Variants in DLGAP1 observed in about 807,000 individuals in gnomAD.
DLGAP1 encodes DLG associated protein 1.
DLGAP1 carries 11 observed loss-of-function variants against 90.8 expected under a neutral mutation model. The observed-to-expected ratio is 0.12, with a 90% CI of 0.08 to 0.20. DLGAP1 has a LOEUF of 0.20. Among genes scored for constraint, DLGAP1 ranks in the 10% least tolerant of loss-of-function variants. The pLI is 1.00. For synonymous variants in DLGAP1, 558 were observed against 540.7 expected, an observed-to-expected ratio of 1.03 and a Z score of -0.44; for missense variants, 1,050 against 1,333.8, an observed-to-expected ratio of 0.79 and a Z score of 3.31.
At chr18:4,213,510 G>T (rs1178530174) in intron 1 of DLGAP1, among the ~76,000 whole-genome samples, 1 of 152,160 alleles carries the variant, frequency 6.6e-6, no homozygotes, top group Non-Finnish European at 1.5e-5. Flanking sequence ...GGCAGATATG[G>T]TGCCACTCAG....
At chr18:4,363,280 C>T (rs1427710196) in intron 1 of DLGAP1, among the ~76,000 whole-genome samples, 1 of 152,110 alleles carries the variant, frequency 6.6e-6, no homozygotes, top group African/African-American at 2.4e-5. Flanking sequence ...TGAGTGCTCG[C>T]ACATACACAG....
chr18:3,862,709 A>C (rs531432549), intron 4 of DLGAP1, among the ~76,000 whole-genome samples: 1 of 152,368 alleles, frequency 6.6e-6, no homozygotes, highest in Admixed American at 6.5e-5. Flanking sequence ...TCTAAGGGGA[A>C]GTGAGTTGTA....
intron 7 of DLGAP1, among the ~76,000 whole-genome samples, chr18:3,625,058 C>A (rs1238093351): frequency 1.3e-5 from 2 of 152,194 alleles, no homozygotes; most frequent in Non-Finnish European, 2.9e-5. Flanking sequence ...GTCCTCCACC[C>A]CTGCCAAGTA....
chr18:3,523,984 A>C (rs1007045739), intron 10 of DLGAP1, among the ~76,000 whole-genome samples: 1 of 152,022 alleles, frequency 6.6e-6, no homozygotes, highest in African/African-American at 2.4e-5. Flanking sequence ...AAACATAACA[A>C]CAGGCCAGGT....
At position 3,809,857 on chromosome 18, in the gene DLGAP1, G is replaced by A. The variant is rs145884769; in HGVS notation, c.1172+4202C>T. 5.7e-3 allele frequency among the ~76,000 whole-genome samples: 875 copies of A among 152,192 alleles called. 10 individuals are homozygous for A. The highest frequency in any genetic ancestry group is 0.019 in the African/African-American group (786 of 41,514). On this transcript the variant is annotated intron_variant, in intron 5 of 12. Transcript: ENST00000315677. ...TTGGACTTGGTTTTAACTAATCATG[G>A]TAGCAGGCAGTAGTCTCAGTTCTAG...
chr18:4,132,075 T>C (rs1313671560), intron 2 of DLGAP1, among the ~76,000 whole-genome samples: 1 of 152,180 alleles, frequency 6.6e-6, no homozygotes, highest in African/African-American at 2.4e-5. Context: ...TGCTAATTCT[T>C]GAAGCTTGGC....
chr18:4,286,544 C>T (rs1017464813), intron 1 of DLGAP1, among the ~76,000 whole-genome samples: 2 of 152,150 alleles, frequency 1.3e-5, no homozygotes, highest in South Asian at 2.1e-4. Context: ...GTACAGCAGC[C>T]GTTTAGCACA....
At chr18:4,333,678 G>T (rs1397317602) in intron 1 of DLGAP1, among the ~76,000 whole-genome samples, 1 of 148,064 alleles carries the variant, frequency 6.8e-6, no homozygotes, top group East Asian at 2.0e-4. Flanking sequence ...GGAGTGCAGT[G>T]GTGTGATCTC....
intron 2 of DLGAP1, among the ~76,000 whole-genome samples, chr18:4,008,561 A>G (rs2074352442): frequency 6.6e-6 from 1 of 152,194 alleles, no homozygotes; most frequent in African/African-American, 2.4e-5. Flanking sequence ...TGGCTTCTGA[A>G]GAAATCACAT....
At chr18:3,546,156 G>A (rs1169434957) in intron 9 of DLGAP1, among the ~76,000 whole-genome samples, 1 of 152,092 alleles carries the variant, frequency 6.6e-6, no homozygotes, top group Non-Finnish European at 1.5e-5. Flanking sequence ...AGGCTTGGTG[G>A]CTCACGCCTG....
intron 2 of DLGAP1, among the ~76,000 whole-genome samples, chr18:4,041,100 C>G (rs2074967408): frequency 6.6e-6 from 1 of 152,194 alleles, no homozygotes; most frequent in South Asian, 2.1e-4. Flanking sequence ...CCGAAGTGTT[C>G]CTCCAACTAT....
chr18:3,639,362 A>AAAAG (rs1415553880), intron 7 of DLGAP1, among the ~76,000 whole-genome samples: 2 of 124,014 alleles, frequency 1.6e-5, no homozygotes, highest in African/African-American at 5.6e-5. Flanking sequence ...TCAAAAAGAG[A>AAAAG]AAAGAAAAGA....
chr18:4,312,759 G>C (rs2080431906), intron 1 of DLGAP1, among the ~76,000 whole-genome samples: 1 of 152,000 alleles, frequency 6.6e-6, no homozygotes. Context: ...ATAATTCTAT[G>C]ATATAATCGT....
chr18:3,564,684 C>CA (rs1236051250), intron 9 of DLGAP1, among the ~76,000 whole-genome samples: 1 of 152,092 alleles, frequency 6.6e-6, no homozygotes, highest in Non-Finnish European at 1.5e-5. Context: ...TTTTAACTCT[C>CA]AGAGTTGTCA....
chr18:3,708,791 G>A (rs1314540120), intron 7 of DLGAP1, among the ~76,000 whole-genome samples: 1 of 152,218 alleles, frequency 6.6e-6, no homozygotes, highest in Non-Finnish European at 1.5e-5. Context: ...TTGACAGTAC[G>A]CGTAAAGAGA....
chr18:3,644,401 T>TTTTTTTTATTTATTTATTTATTTA (rs2059046677), intron 7 of DLGAP1, among the ~76,000 whole-genome samples: 1 of 150,682 alleles, frequency 6.6e-6, no homozygotes, highest in African/African-American at 2.5e-5. Flanking sequence ...TACTATTTTA[T>TTTTTTTTATTTATTTATTTATTTA]TTTATTTATT....
chr18:3,602,609 A>C lies in DLGAP1; in HGVS notation c.1592-20361T>G, dbSNP rs1261552010. Among the ~76,000 whole-genome samples the C allele has an allele frequency of 7.2e-5, 11 of 151,740 alleles. 1 individual carries two copies. The highest frequency in any genetic ancestry group is 4.8e-5 in the African/African-American group (2 of 41,424). On this transcript the variant is annotated intron_variant, in intron 7 of 12. Transcript: ENST00000315677. ...GACTCCGTCCAAAAAAAAAAAAAAA[A>C]AAAAAAACAAAGAAACTTGTGTTGG...
At chr18:3,688,610 AAAAGACAC>A (rs1425604268) in intron 7 of DLGAP1, among the ~76,000 whole-genome samples, 27 of 138,136 alleles carry the variant, frequency 2.0e-4, no homozygotes, top group Non-Finnish European at 3.1e-5. Flanking sequence ...AGGTATTAAA[AAAAGACAC>A]ACACACACAC....
Position 3,879,199 on chromosome 18 carries a change from C to T in DLGAP1, c.870G>A (p.Glu290=), listed in dbSNP as rs2071080815. The T allele has an allele frequency of 1.9e-6, 3 of 1,545,770 alleles. No individual in the cohort carries two copies. The highest frequency in any genetic ancestry group is 2.6e-6 in the Non-Finnish European group (3 of 1,146,960). Residue 290 remains glutamate, a synonymous_variant, in exon 4 of 13, where the codon GAG becomes GAA. Transcript: ENST00000315677. This position sits in a 1 kb window ranked among gnomAD's most constrained non-coding sequence, Gnocchi z 6.6. ...SSTLTVSRAR[E]VYQKASVNMD... Reference sequence around the variant, plus strand: ...TGTTCACCGAGGCCTTCTGGTAAACCTCCCGGGCCCGGCTCACGGTGAGCG... The same window carrying T: ...TGTTCACCGAGGCCTTCTGGTAAACTTCCCGGGCCCGGCTCACGGTGAGCG...
Sources: gnomAD v4.1 joint callset for allele counts (sites outside exome capture counted in the v4.1 genomes callset) on GRCh38, gnomAD v4.1.1 for gene constraint, Gnocchi (gnomAD v3.1) non-coding constraint, MANE v1.5 for transcripts, NCBI Gene and HGNC (gene_info 2026-07-23, HGNC 2026-07-21) for gene names.